Variants in CDK14 observed in about 807,000 individuals in gnomAD.
The protein encoded by CDK14 is cyclin dependent kinase 14, also known as cyclin-dependent kinase 14.
Under a neutral mutation model 60.7 loss-of-function variants are expected in CDK14, and 34 were observed. The ratio of observed to expected loss-of-function variants is 0.56; its 90% CI spans 0.43 to 0.75. The LOEUF is 0.75. Among genes scored for constraint, CDK14 ranks in the 30% least tolerant of loss-of-function variants. The pLI, the probability that CDK14 is intolerant of heterozygous loss-of-function variation, is 0.00. For missense variants in CDK14, 482 were observed against 564.1 expected (o/e 0.85, Z 1.47); for synonymous variants, 197 against 203.7 (o/e 0.97, Z 0.28).
chr7:91,188,323 C>T (rs1176051331), intron 14 of CDK14, among the ~76,000 whole-genome samples: 1 of 152,042 alleles, frequency 6.6e-6, no homozygotes, highest in Non-Finnish European at 1.5e-5. Flanking sequence ...TAATGAAATG[C>T]AAGTGTTTAT....
chr7:90,688,125 G>A (rs1194230252), intron 2 of CDK14, among the ~76,000 whole-genome samples: 2 of 152,162 alleles, frequency 1.3e-5, no homozygotes, highest in African/African-American at 2.4e-5. Flanking sequence ...TATTAGGGGG[G>A]AAGTTCAAGA....
chr7:90,810,186 A>C (rs1287886489), intron 5 of CDK14, among the ~76,000 whole-genome samples: 1 of 152,202 alleles, frequency 6.6e-6, no homozygotes, highest in Non-Finnish European at 1.5e-5. Context: ...ATTTTAGACC[A>C]ATATCCCTCA....
chr7:90,895,960 G>T (rs1792324492), intron 6 of CDK14, among the ~76,000 whole-genome samples: 1 of 151,800 alleles, frequency 6.6e-6, no homozygotes, highest in Non-Finnish European at 1.5e-5. Flanking sequence ...AGGTTGGTTT[G>T]TTTTATTAGG....
chr7:90,958,093 C>T (rs1453626615), intron 9 of CDK14, among the ~76,000 whole-genome samples: 1 of 152,098 alleles, frequency 6.6e-6, no homozygotes, highest in African/African-American at 2.4e-5. Flanking sequence ...GCTCTACCCC[C>T]CGTAATCTTG....
chr7:90,973,679 A>G (rs1349696929), intron 9 of CDK14, among the ~76,000 whole-genome samples: 3 of 152,070 alleles, frequency 2.0e-5, no homozygotes, highest in Non-Finnish European at 4.4e-5. Context: ...GGGTGTCATC[A>G]CATATTGGTA....
chr7:90,982,457 G>C (rs1795255877), intron 9 of CDK14, among the ~76,000 whole-genome samples: 1 of 152,094 alleles, frequency 6.6e-6, no homozygotes, highest in Non-Finnish European at 1.5e-5. Context: ...TGGATGCCTG[G>C]GCTCCAACCT....
chr7:90,810,722 GT>G (rs1470902144), intron 5 of CDK14, among the ~76,000 whole-genome samples: 3 of 151,868 alleles, frequency 2.0e-5, no homozygotes, highest in African/African-American at 7.3e-5. Context: ...AAACCCCATC[GT>G]CTCAGCCCAA....
chr7:90,963,425 A>T (rs575048194), intron 9 of CDK14, among the ~76,000 whole-genome samples: 50 of 151,350 alleles, frequency 3.3e-4, no homozygotes, highest in Middle Eastern at 3.4e-3. Context: ...ATAAAAAATT[A>T]AAAAAAAATA....
chr7:91,180,387 T>C (rs1435434795), intron 14 of CDK14, among the ~76,000 whole-genome samples: 2 of 152,222 alleles, frequency 1.3e-5, no homozygotes, highest in African/African-American at 4.8e-5. Flanking sequence ...TGCTTAAATA[T>C]GCTCTATGCC....
Position 91,072,896 on chromosome 7 carries a change from A to C in CDK14, c.1106-6536A>C, listed in dbSNP as rs536160663. On this transcript the variant is annotated intron_variant, in intron 11 of 14. Coordinates refer to ENST00000380050, the MANE Select transcript of CDK14 (RefSeq NM_001287135.2). ...TACACAAGTATCAATAGCCAAATTG[A>C]TCAAGCAGAAGAAAGAATATCAGAG... Among the ~76,000 whole-genome samples, 8 of 152,160 alleles carry C rather than the reference A, an allele frequency of 5.3e-5. No homozygotes were observed. In the East Asian group the frequency reaches 1.5e-3, roughly 29 times the overall value.
In CDK14 at chr7:91,127,679, A is replaced by G. The variant is rs185604769; in HGVS notation, c.*28+9471A>G. 5.1e-4 allele frequency among the ~76,000 whole-genome samples: 77 copies of G among 152,042 alleles called. No individual in the cohort carries two copies. The East Asian group carries it at 0.013, about 26-fold the overall frequency. On this transcript the variant is annotated intron_variant, in intron 14 of 14. Coordinates refer to ENST00000380050, the MANE Select transcript of CDK14 (RefSeq NM_001287135.2). ...TTAAAATTTTAACTTCTTTTTTTTT[A>G]AAGGAGAAGTTCTCCCATTTCATTG...
intron 2 of CDK14, among the ~76,000 whole-genome samples, chr7:90,702,668 T>A (rs1801810601): frequency 6.6e-6 from 1 of 151,820 alleles, no homozygotes; most frequent in African/African-American, 2.4e-5. Context: ...TATCCAGCAC[T>A]GTTAACCATT....
chr7:91,009,010 T>C (rs1277816931), intron 10 of CDK14, among the ~76,000 whole-genome samples: 1 of 151,986 alleles, frequency 6.6e-6, no homozygotes, highest in South Asian at 2.1e-4. Context: ...GTCCCCCCTT[T>C]CCTTCCCTCT....
intron 5 of CDK14, among the ~76,000 whole-genome samples, chr7:90,798,208 A>G (rs2116992609): frequency 6.8e-6 from 1 of 148,100 alleles, no homozygotes; most frequent in African/African-American, 2.6e-5. Flanking sequence ...TTTTTGTAGC[A>G]GTAAATGACT....
At chr7:90,649,244 C>CTTTCTTTCTTTGTTTCTTTGTTTG (rs1563029599) in intron 2 of CDK14, among the ~76,000 whole-genome samples, 1 of 26,696 alleles carries the variant, frequency 3.7e-5, no homozygotes, top group South Asian at 1.4e-3. Flanking sequence ...TAGTTTCTTT[C>CTTTCTTTCTTTGTTTCTTTGTTTG]TTTCTTTCTT....
intron 2 of CDK14, among the ~76,000 whole-genome samples, chr7:90,703,214 G>C (rs1328872778): frequency 6.6e-6 from 1 of 151,910 alleles, no homozygotes; most frequent in Non-Finnish European, 1.5e-5. Context: ...GCTATCCCAA[G>C]GATTTTATGT....
chr7:90,867,254 A>T (rs1791222310), intron 6 of CDK14, among the ~76,000 whole-genome samples: 1 of 152,194 alleles, frequency 6.6e-6, no homozygotes, highest in Non-Finnish European at 1.5e-5. Context: ...TGGAAGAGAA[A>T]GGTAGAAAAT....
At chr7:91,004,358 T>G (rs1291012084) in intron 10 of CDK14, among the ~76,000 whole-genome samples, 1 of 152,226 alleles carries the variant, frequency 6.6e-6, no homozygotes, top group Non-Finnish European at 1.5e-5. Context: ...TATATGCTAA[T>G]AAAGTTGATA....
chr7:90,741,937 G>A (rs995768475), intron 3 of CDK14, among the ~76,000 whole-genome samples: 2 of 151,916 alleles, frequency 1.3e-5, no homozygotes, highest in Admixed American at 6.6e-5. Flanking sequence ...CTCTTATGTA[G>A]TGAAATATAT....
Sources: allele counts gnomAD v4.1 joint callset (sites outside exome capture counted in the v4.1 genomes callset), GRCh38; gene constraint gnomAD v4.1.1; transcripts MANE v1.5; gene names NCBI Gene and HGNC (gene_info 2026-07-23, HGNC 2026-07-21).